Variants in DLC1 observed in about 807,000 individuals in gnomAD.
DLC1 encodes the protein DLC1 Rho GTPase activating protein.
In DLC1, 54 loss-of-function variants were observed where a neutral mutation model predicts 140.3. The ratio of observed to expected loss-of-function variants is 0.38; its 90% CI spans 0.31 to 0.48. The LOEUF (loss-of-function observed/expected upper bound fraction) is 0.48, where lower values mean the gene tolerates loss of function less well. Ranked by LOEUF, DLC1 falls within the 20% of genes least tolerant of loss-of-function variation. The probability of loss-of-function intolerance (pLI) is 0.96; values close to 1 mark genes in which losing one functional copy is unlikely to be tolerated. For missense variants in DLC1, 2,536 were observed against 1,907.0 expected, an observed-to-expected ratio of 1.33 and a Z score of -6.14; for synonymous variants, 986 against 728.1, an observed-to-expected ratio of 1.35 and a Z score of -5.70.
chr8:13,240,374 C>G (rs891579283), intron 5 of DLC1, among the ~76,000 whole-genome samples: 3 of 152,160 alleles, frequency 2.0e-5, no homozygotes, highest in Non-Finnish European at 4.4e-5. Context: ...ATCTTTTTAA[C>G]TTTGGTGGAG....
At chr8:13,289,752 A>G (rs1182157225) in intron 5 of DLC1, among the ~76,000 whole-genome samples, 1 of 152,256 alleles carries the variant, frequency 6.6e-6, no homozygotes, top group Non-Finnish European at 1.5e-5. Flanking sequence ...AAATAAAATA[A>G]GAACCTTGTT....
At chr8:13,315,516 T>G (rs897609322) in intron 4 of DLC1, among the ~76,000 whole-genome samples, 1 of 152,226 alleles carries the variant, frequency 6.6e-6, no homozygotes, top group African/African-American at 2.4e-5. Flanking sequence ...CTCTGTGGTG[T>G]CAGAAAGACA....
intron 5 of DLC1, among the ~76,000 whole-genome samples, chr8:13,178,544 G>A (rs1825870783): frequency 1.4e-5 from 2 of 146,086 alleles, no homozygotes; most frequent in Admixed American, 1.4e-4. Flanking sequence ...TGGGACTCCA[G>A]CCTGGGCGAC....
At chr8:13,103,404 G>C (rs1226387169) in intron 7 of DLC1, among the ~76,000 whole-genome samples, 1 of 151,808 alleles carries the variant, frequency 6.6e-6, no homozygotes, top group Non-Finnish European at 1.5e-5. Context: ...TTATATTTTA[G>C]TGTGAAATGG....
Position 13,084,026 on chromosome 8 carries a change from G to T in DLC1, c.*1785C>A, listed in dbSNP as rs529470867. The T allele has an allele frequency of 6.6e-6, 1 of 152,364 alleles. No individual in the cohort carries two copies. The highest frequency in any genetic ancestry group is 1.5e-5 in the Non-Finnish European group (1 of 68,016). 9.4% of individuals were successfully genotyped at this position (152,364 alleles called of 1,614,324 possible). A position where few individuals can be genotyped will look rare whatever the true frequency, so the allele number is the denominator to read the frequency against. On this transcript the variant is annotated 3_prime_UTR_variant, in exon 18 of 18. Transcript: ENST00000276297. ...TTTATTTATTTTCTTCACTTAGACT[G>T]TATTCACGTAAAGTGTATTTACAAT...
At chr8:13,419,124 T>C (rs573933609) in intron 2 of DLC1, among the ~76,000 whole-genome samples, 22 of 152,192 alleles carry the variant, frequency 1.4e-4, no homozygotes, top group African/African-American at 2.2e-4. Flanking sequence ...GCTGATACAA[T>C]GTGGTTTTCT....
intron 1 of DLC1, among the ~76,000 whole-genome samples, chr8:13,509,320 C>T (rs1398139473): frequency 3.3e-5 from 5 of 152,158 alleles, no homozygotes; most frequent in African/African-American, 1.2e-4. Flanking sequence ...TTTAGTCATT[C>T]CATAAGCACA....
intron 4 of DLC1, among the ~76,000 whole-genome samples, chr8:13,371,521 C>G (rs558089314): frequency 1.3e-5 from 2 of 152,144 alleles, no homozygotes; most frequent in East Asian, 3.9e-4. Flanking sequence ...ACAATTGGAG[C>G]CAACTGCTAG....
At chr8:13,521,366 A>G (rs1237732942) in intron 1 of DLC1, among the ~76,000 whole-genome samples, 1 of 152,058 alleles carries the variant, frequency 6.6e-6, no homozygotes, top group African/African-American at 2.4e-5. Context: ...TACCTATGTA[A>G]CAAACCTACA....
chr8:13,538,206 G>A (rs1803359116), intron 1 of DLC1, among the ~76,000 whole-genome samples: 1 of 152,094 alleles, frequency 6.6e-6, no homozygotes, highest in African/African-American at 2.4e-5. Flanking sequence ...ACGACCACCT[G>A]AGCTTTCATG....
intron 2 of DLC1, among the ~76,000 whole-genome samples, chr8:13,489,289 A>T (rs1801122800): frequency 6.6e-6 from 1 of 152,058 alleles, no homozygotes; most frequent in Non-Finnish European, 1.5e-5. Context: ...TCAGATGTCC[A>T]TGTGGGTTGA....
intron 1 of DLC1, among the ~76,000 whole-genome samples, chr8:13,576,202 A>G (rs1457241529): frequency 2.0e-5 from 3 of 152,230 alleles, no homozygotes; most frequent in African/African-American, 7.2e-5. Context: ...ATAAAGTGTA[A>G]TAACCCGCAT....
intron 1 of DLC1, among the ~76,000 whole-genome samples, chr8:13,544,181 C>T (rs537638461): frequency 6.5e-4 from 92 of 142,598 alleles, no homozygotes; most frequent in African/African-American, 2.1e-3. Flanking sequence ...TTGTCATTCT[C>T]TCTTACACAC....
intron 2 of DLC1, among the ~76,000 whole-genome samples, chr8:13,407,194 T>A (rs1449954742): frequency 1.3e-5 from 2 of 152,236 alleles, no homozygotes; most frequent in Non-Finnish European, 2.9e-5. Flanking sequence ...CCTAATTTAC[T>A]TGGAAGAGCT....
At chr8:13,468,367 C>T (rs551785124) in intron 2 of DLC1, among the ~76,000 whole-genome samples, 1 of 136,576 alleles carries the variant, frequency 7.3e-6, no homozygotes, top group Non-Finnish European at 1.6e-5. Context: ...CCCTCCCCTC[C>T]CCTCTCCTTT....
chr8:13,155,843 G>A (rs4831886), intron 5 of DLC1, among the ~76,000 whole-genome samples: 63,034 of 151,996 alleles, frequency 0.41, 13,755 homozygotes, highest in East Asian at 0.52. Context: ...GCTATGAGCC[G>A]AAAGCTCATA....
chr8:13,579,765 T>C (rs1435663098), intron 1 of DLC1, among the ~76,000 whole-genome samples: 1 of 151,156 alleles, frequency 6.6e-6, no homozygotes, highest in Non-Finnish European at 1.5e-5. Flanking sequence ...GCAAAAACAT[T>C]TTGTAGTGTC....
intron 2 of DLC1, among the ~76,000 whole-genome samples, chr8:13,443,259 A>AC (rs1563350585): frequency 1.3e-5 from 2 of 150,618 alleles, no homozygotes; most frequent in African/African-American, 4.9e-5. Context: ...AGGTTAAATG[A>AC]TAGTTAATGG....
intron 2 of DLC1, among the ~76,000 whole-genome samples, chr8:13,428,415 G>T (rs1316183443): frequency 6.6e-6 from 1 of 152,098 alleles, no homozygotes; most frequent in Non-Finnish European, 1.5e-5. Flanking sequence ...TGTTTTCTAC[G>T]ATTTTTAACT....
Sources: gnomAD v4.1 joint callset for allele counts (sites outside exome capture counted in the v4.1 genomes callset) on GRCh38, gnomAD v4.1.1 for gene constraint, MANE v1.5 for transcripts, NCBI Gene and HGNC (gene_info 2026-07-23, HGNC 2026-07-21) for gene names.